GLMN: variants seen among roughly 807,000 people sequenced by gnomAD.
The protein encoded by GLMN is glomulin, FKBP associated protein.
In GLMN, 75 loss-of-function variants were observed where a neutral mutation model predicts 87.8. That is an observed-to-expected ratio of 0.85 (90% CI 0.71 to 1.04). The LOEUF (loss-of-function observed/expected upper bound fraction) is 1.04. Among genes scored for constraint, GLMN ranks in the 50% least tolerant of loss-of-function variants. GLMN has a pLI of 0.00. For missense variants in GLMN, 588 were observed against 658.8 expected (o/e 0.89, Z 1.18); for synonymous variants, 206 against 221.6 (o/e 0.93, Z 0.63).
At chr1:92,253,756 T>G (rs1011293559) in intron 16 of GLMN, among the ~76,000 whole-genome samples, 1 of 151,864 alleles carries the variant, frequency 6.6e-6, no homozygotes, top group African/African-American at 2.4e-5. Context: ...AAGCAAAAAC[T>G]CCACCCAAAG....
chr1:92,292,712 C>T lies in GLMN; in HGVS notation c.166-1175G>A, dbSNP rs571072325. On this transcript the variant is annotated intron_variant, in intron 3 of 18. Transcript: ENST00000370360. ...TGCTGGGATTACAGGCGTGAGCCAC[C>T]GCACCCCGTCTTTTCTTTTCTTTTT... 3.3e-4 allele frequency among the ~76,000 whole-genome samples: 49 copies of T among 147,354 alleles called. 1 individual carries two copies. In the South Asian group the frequency reaches 7.3e-3, roughly 22 times the overall value.
the GLMN span, among the ~76,000 whole-genome samples, chr1:92,304,793 A>G: frequency 1.3e-5 from 2 of 152,204 alleles, no homozygotes; most frequent in African/African-American, 4.8e-5. Flanking sequence ...GTCTCTATAC[A>G]TAGATCAATT....
rs1656242346 is a variant in GLMN at position 92,271,581 on chromosome 1, C to T, written c.807G>A (p.Trp269Ter). The stretch of plus-strand genomic sequence containing the variant: ...CTTCTTCTTCAAATTCAAGGTAATT[C>T]CAAGTTCTCTTTTTCCTTCCATGAT... The part of the protein sequence containing the change: ...IFNHGRKKRT[W>*]NYLEFEEEEN... Residue 269 changes from tryptophan (W) to a stop codon, truncating the protein, a stop_gained, in exon 8 of 19, where the codon TGG (tryptophan) becomes TGA (stop). Coordinates refer to ENST00000370360, the MANE Select transcript of GLMN (RefSeq NM_053274.3). LOFTEE classifies it high-confidence loss of function. 6.8e-6 allele frequency: 11 copies of T among 1,611,748 alleles called. No individual in the cohort carries two copies. The highest frequency in any genetic ancestry group is 9.3e-6 in the Non-Finnish European group (11 of 1,178,266).
chr1:92,319,649 T>C, the GLMN span, among the ~76,000 whole-genome samples: 1 of 152,082 alleles, frequency 6.6e-6, no homozygotes, highest in Non-Finnish European at 1.5e-5. Flanking sequence ...TTATAAACAG[T>C]CTCTGCCTTT....
At chr1:92,367,194 G>A in the GLMN span, among the ~76,000 whole-genome samples, 3 of 152,262 alleles carry the variant, frequency 2.0e-5, no homozygotes, top group Non-Finnish European at 1.5e-5. Flanking sequence ...TGGATAGGTT[G>A]CACCTAAAAC....
At chr1:92,301,436 G>A (rs1347759552), upstream of GLMN, 2 of 1,051,048 alleles carry the variant, frequency 1.9e-6, no homozygotes. Context: ...TGTTGGACAT[G>A]AAGCTTTTAA....
chr1:92,332,770 A>G, the GLMN span, among the ~76,000 whole-genome samples: 2 of 152,158 alleles, frequency 1.3e-5, no homozygotes, highest in African/African-American at 4.8e-5. Context: ...GGATACCCTG[A>G]ACTCTTTTTA....
the GLMN span, chr1:92,333,219 A>G: frequency 1.2e-5 from 7 of 569,580 alleles, no homozygotes; most frequent in East Asian, 1.4e-4. Flanking sequence ...GAAGTTCACA[A>G]CAGCCTAACA....
intron 16 of GLMN, 42 bp from the exon 17 acceptor site, chr1:92,248,031 T>C (rs1275093768): frequency 4.8e-6 from 4 of 826,668 alleles, no homozygotes; most frequent in South Asian, 2.7e-5. Flanking sequence ...TCAACAATGA[T>C]TGATTGCCTA....
At position 92,271,540 on chromosome 1, in the gene GLMN, G is replaced by A. The variant is rs761805346; in HGVS notation, c.848C>T (p.Ala283Val). The stretch of plus-strand genomic sequence containing the variant: ...ATATGCCAGAGAAGCCATTGAGTCT[G>A]CTAACTGTTTATTTTCTTCTTCTTC... The part of the protein sequence containing the change: ...EFEEEENKQL[A>V]DSMASLAYLV... The change falls in exon 8 of 19, where the codon GCA (alanine) becomes GTA (valine). Residue 283 changes from alanine (A) to valine (V), a missense_variant. Coordinates refer to ENST00000370360, the MANE Select transcript of GLMN (RefSeq NM_053274.3). 1.2e-6 allele frequency: 2 copies of A among 1,611,552 alleles called. No homozygotes were observed. The highest frequency in any genetic ancestry group is 2.7e-5 in the African/African-American group (2 of 74,778).
chr1:92,265,664 G>A (rs1169805760), intron 13 of GLMN, among the ~76,000 whole-genome samples: 1 of 152,130 alleles, frequency 6.6e-6, no homozygotes, highest in Non-Finnish European at 1.5e-5. Context: ...AGCTACCTGG[G>A]AGGCTGAAGC....
intron 7 of GLMN, among the ~76,000 whole-genome samples, chr1:92,278,558 C>T (rs1647581381): frequency 6.6e-6 from 1 of 152,184 alleles, no homozygotes; most frequent in South Asian, 2.1e-4. Flanking sequence ...CATCTGAAAA[C>T]AGCTGCTTTC....
chr1:92,288,275 A>G lies in GLMN; in HGVS notation c.632+639T>C, dbSNP rs549876731. 7.7e-4 allele frequency among the ~76,000 whole-genome samples: 117 copies of G among 151,970 alleles called. 1 individual carries two copies. Among genetic ancestry groups the G allele is most frequent in the African/African-American group, 2.3e-3 (95 of 41,406 alleles). ...GCTTCCTTTGAAAGAGTAAAACACAATTTCTCCACAGAGCTACCTATATCT... is the reference window on the plus strand; with the variant it reads ...GCTTCCTTTGAAAGAGTAAAACACAGTTTCTCCACAGAGCTACCTATATCT... On this transcript the variant is annotated intron_variant, in intron 6 of 18. Transcript: ENST00000370360.
At chr1:92,333,152 A>C in the GLMN span, 2 of 451,622 alleles carry the variant, frequency 4.4e-6, no homozygotes, top group Non-Finnish European at 7.9e-6. Flanking sequence ...GGAGGTATTA[A>C]TATCCCAATT....
chr1:92,357,632 A>G, the GLMN span, among the ~76,000 whole-genome samples: 39,273 of 152,164 alleles, frequency 0.26, 6,515 homozygotes, highest in Non-Finnish European at 0.35. Context: ...CCCAGGTTCA[A>G]GTGATTCTTG....
At chr1:92,339,780 G>A in the GLMN span, among the ~76,000 whole-genome samples, 8 of 152,144 alleles carry the variant, frequency 5.3e-5, no homozygotes, top group Non-Finnish European at 7.4e-5. Flanking sequence ...CTGCAGATAT[G>A]AGGAGACATT....
the GLMN span, among the ~76,000 whole-genome samples, chr1:92,353,340 T>C: frequency 3.3e-5 from 5 of 152,212 alleles, no homozygotes; most frequent in African/African-American, 1.2e-4. Flanking sequence ...GATTGAACTT[T>C]ACAAATTATC....
the GLMN span, chr1:92,323,299 A>G: frequency 1.8e-5 from 8 of 456,402 alleles, no homozygotes; most frequent in Non-Finnish European, 2.3e-5. Context: ...ATCAGAACCT[A>G]GAAATAAGGT....
chr1:92,350,079 A>G, the GLMN span, among the ~76,000 whole-genome samples: 1 of 152,298 alleles, frequency 6.6e-6, no homozygotes, highest in South Asian at 2.1e-4. Flanking sequence ...ATACACCATG[A>G]CCCATTCCCA....
Sources: gnomAD v4.1 joint callset for allele counts (sites outside exome capture counted in the v4.1 genomes callset) on GRCh38, gnomAD v4.1.1 for gene constraint, MANE v1.5 for transcripts, NCBI Gene and HGNC (gene_info 2026-07-23, HGNC 2026-07-21) for gene names.